The following PADI4 variants were observed in gnomAD, a reference collection of about 807,000 sequenced individuals.
PADI4 encodes protein-arginine deiminase type-4.
PADI4 carries 62 observed loss-of-function variants against 75.0 expected under a neutral mutation model. The ratio of observed to expected loss-of-function variants is 0.83; its 90% CI spans 0.67 to 1.02. The LOEUF (loss-of-function observed/expected upper bound fraction) is 1.02. Among genes scored for constraint, PADI4 ranks in the 50% least tolerant of loss-of-function variants. The pLI, the probability that PADI4 is intolerant of heterozygous loss-of-function variation, is 0.00. For missense variants in PADI4, 845 were observed against 850.5 expected (o/e 0.99, Z 0.08); for synonymous variants, 361 against 348.1 (o/e 1.04, Z -0.41).
At chr1:17,345,924 C>G (rs2074506970) in intron 8 of PADI4, 104 bp from the exon 9 acceptor site, 1 of 687,028 alleles carries the variant, frequency 1.5e-6, no homozygotes, top group Non-Finnish European at 2.6e-6. Context: ...AGCCTCTGTT[C>G]AGGCCACAGG....
At chr1:17,347,895 A>T in intron 9 of PADI4, 46 bp from the exon 10 acceptor site, 1 of 1,144,656 alleles carries the variant, frequency 8.7e-7, no homozygotes, top group Non-Finnish European at 1.3e-6. Context: ...GGGCACCAAG[A>T]CCCAGGCAGC....
chr1:17,312,496 G>A (rs1412661437), intron 1 of PADI4, among the ~76,000 whole-genome samples: 1 of 148,212 alleles, frequency 6.7e-6, no homozygotes, highest in East Asian at 2.0e-4. Flanking sequence ...TTGGGGCAAA[G>A]AGGAAGAAAG....
At chr1:17,342,182 G>A in intron 7 of PADI4, 61 bp downstream of exon 7, 1 of 1,549,960 alleles carries the variant, frequency 6.5e-7, no homozygotes, top group Non-Finnish European at 8.9e-7. Flanking sequence ...GCCTGGCTAG[G>A]GAAAGGGGTA....
chr1:17,322,944 T>C (rs71644032), intron 1 of PADI4, among the ~76,000 whole-genome samples: 2,441 of 152,284 alleles, frequency 0.016, 35 homozygotes, highest in Non-Finnish European at 0.024. Context: ...AATGATAACA[T>C]TTATTGTATC....
chr1:17,319,978 A>C (rs541408266), intron 1 of PADI4, among the ~76,000 whole-genome samples: 1 of 152,368 alleles, frequency 6.6e-6, no homozygotes, highest in African/African-American at 2.4e-5. Context: ...TTAATATAAC[A>C]CATTGCTGCT....
Position 17,355,994 on chromosome 1 carries a change from G to A in PADI4, c.1322G>A (p.Arg441Gln), listed in dbSNP as rs1159353627. Residue 441 changes from arginine to glutamine, a missense_variant, in exon 12 of 16, where the codon CGG becomes CAG. Transcript: ENST00000375448. ...CCCTGCCATGACAGCAATGACAGCC[G>A]GCAGATGCACCAGGCCCTGCAGGAC... ...GDSCYPSNDS[R>Q]QMHQALQDFL... 6.8e-6 allele frequency: 11 copies of A among 1,614,022 alleles called. No individual in the cohort carries two copies. The highest frequency in any genetic ancestry group is 3.3e-5 in the South Asian group (3 of 91,082).
At chr1:17,317,157 C>A (rs1386944975) in intron 1 of PADI4, among the ~76,000 whole-genome samples, 2 of 152,188 alleles carry the variant, frequency 1.3e-5, no homozygotes, top group African/African-American at 2.4e-5. Context: ...AACTTATGGA[C>A]TCAAGCAATC....
chr1:17,324,677 T>C (rs1302072360), intron 1 of PADI4, among the ~76,000 whole-genome samples: 2 of 152,154 alleles, frequency 1.3e-5, no homozygotes, highest in Admixed American at 1.3e-4. Flanking sequence ...TCCTTCAGGT[T>C]TACTGGTTTT....
Position 17,341,350 on chromosome 1 carries a change from C to T in PADI4, c.653-593C>T, listed in dbSNP as rs181447466. On this transcript the variant is annotated intron_variant, in intron 6 of 15. Transcript: ENST00000375448. ...TCCTGACCTTGTGATCCTCCTGCCT[C>T]GGCCTCCCAAAGTGCTGGGATTACA... is the stretch of plus-strand genomic sequence containing the variant. Among the ~76,000 whole-genome samples, 12 of 152,294 alleles carry T rather than the reference C, an allele frequency of 7.9e-5. No individual in the cohort carries two copies. The East Asian group carries it at 1.9e-3, about 24-fold the overall frequency.
intron 8 of PADI4, among the ~76,000 whole-genome samples, chr1:17,343,855 G>A (rs2074467961): frequency 6.6e-6 from 1 of 152,118 alleles, no homozygotes; most frequent in Non-Finnish European, 1.5e-5. Flanking sequence ...CTAGTCTCAG[G>A]TATGTTTTTA....
intron 10 of PADI4, chr1:17,348,265 C>G: frequency 2.4e-6 from 1 of 422,822 alleles, no homozygotes; most frequent in Non-Finnish European, 4.3e-6. Context: ...CCTTGTCACC[C>G]GTGAGCTCAG....
chr1:17,310,961 G>T (rs1484874441), intron 1 of PADI4, among the ~76,000 whole-genome samples: 1 of 152,136 alleles, frequency 6.6e-6, no homozygotes, highest in Admixed American at 6.5e-5. Flanking sequence ...GCCGGGCGTG[G>T]TAGCACGCAG....
chr1:17,357,292 C>T lies in PADI4; in HGVS notation c.1558+833C>T, dbSNP rs140291792. Among the ~76,000 whole-genome samples, 5 of 152,198 alleles carry T rather than the reference C, an allele frequency of 3.3e-5. No individual in the cohort carries two copies. In the East Asian group the frequency reaches 9.7e-4, roughly 30 times the overall value. ...AAGTGATTCTCCTGCCCCAGCCTTC[C>T]GAGTAGCTGGGATTACAGGTGTGCA... On this transcript the variant is annotated intron_variant, in intron 13 of 15. Transcript: ENST00000375448.
At chr1:17,329,528 C>T (rs2074173271) in intron 1 of PADI4, among the ~76,000 whole-genome samples, 1 of 151,916 alleles carries the variant, frequency 6.6e-6, no homozygotes, top group South Asian at 2.1e-4. Flanking sequence ...AATATATTTA[C>T]TGTTCATTAA....
chr1:17,360,638 T>G (rs1052574828), intron 15 of PADI4, among the ~76,000 whole-genome samples: 1 of 152,060 alleles, frequency 6.6e-6, no homozygotes, highest in Non-Finnish European at 1.5e-5. Context: ...TCAAACCCCA[T>G]GCCGTAACTA....
chr1:17,331,078 T>C lies in PADI4; in HGVS notation c.202T>C (p.Trp68Arg). 6.2e-7 allele frequency: 1 copy of C among 1,612,286 alleles called. No individual in the cohort carries two copies. Among genetic ancestry groups the C allele is most frequent in the Non-Finnish European group, 8.5e-7 (1 of 1,179,204 alleles). ...AKKKSTGSST[W>R]PLDPGVEVTL... ...GAAGAAATCCACAGGTTCCTCCACA[T>C]GGCCCCTGGACCCTGGGGTAGAGGT... Residue 68 changes from tryptophan (W) to arginine (R), a missense_variant, in exon 2 of 16, where the codon TGG becomes CGG. Physicochemically the swap from Trp to Arg is moderately radical, Grantham distance 101. Coordinates refer to ENST00000375448, the MANE Select transcript of PADI4 (RefSeq NM_012387.3).
chr1:17,342,017 G>A lies in PADI4; in HGVS notation c.727G>A (p.Gly243Arg), dbSNP rs141838236. ...CTCTCACTACCTGATGGTCCCCGGT[G>A]GAAAGCACAACATGGACTTCTACGT... ...WPSHYLMVPG[G>R]KHNMDFYVEA... Residue 243 changes from glycine (G) to arginine (R), a missense_variant, in exon 7 of 16, where the codon GGA becomes AGA. Physicochemically the swap from Gly to Arg is moderately radical, Grantham distance 125 (BLOSUM62 -2). Transcript: ENST00000375448. 4.0e-5 allele frequency: 64 copies of A among 1,613,878 alleles called. No homozygotes were observed. The African/African-American group carries it at 7.6e-4, about 19-fold the overall frequency.
At chr1:17,344,874 T>C (rs1002892321) in intron 8 of PADI4, among the ~76,000 whole-genome samples, 1 of 152,224 alleles carries the variant, frequency 6.6e-6, no homozygotes, top group Non-Finnish European at 1.5e-5. Context: ...AATGTTGGTT[T>C]GGAGCCCCCA....
At chr1:17,331,911 C>A (rs1299487728) in intron 2 of PADI4, among the ~76,000 whole-genome samples, 1 of 152,124 alleles carries the variant, frequency 6.6e-6, no homozygotes, top group Non-Finnish European at 1.5e-5. Context: ...GAGCAAAACT[C>A]CGTCTCAAAA....
Sources: allele counts gnomAD v4.1 joint callset (sites outside exome capture counted in the v4.1 genomes callset), GRCh38; gene constraint gnomAD v4.1.1; transcripts MANE v1.5; gene names NCBI Gene and HGNC (gene_info 2026-07-23, HGNC 2026-07-21).